The following AFF2 variants were observed in gnomAD, a reference collection of about 807,000 sequenced individuals.
The protein encoded by AFF2 is AF4/FMR2 family member 2.
AFF2 carries 14 observed loss-of-function variants against 76.9 expected under a neutral mutation model. The ratio of observed to expected loss-of-function variants is 0.18; its 90% CI spans 0.12 to 0.28. AFF2 has a LOEUF of 0.28. Ranked by LOEUF, AFF2 falls within the 10% of genes least tolerant of loss-of-function variation. AFF2 has a pLI of 1.00. For synonymous variants in AFF2, 398 were observed against 366.7 expected (o/e 1.09, Z -0.98); for missense variants, 868 against 1,001.1 (o/e 0.87, Z 1.79).
intron 3 of AFF2, among the ~76,000 whole-genome samples, chrX:148,768,790 T>G (rs1280106247): frequency 8.9e-6 from 1 of 112,007 alleles, no homozygotes; most frequent in Non-Finnish European, 1.9e-5. Context: ...TTTTGTTCAT[T>G]GTTTTTCTCA....
chrX:148,575,652 A>G (rs895819444), intron 1 of AFF2, among the ~76,000 whole-genome samples: 3 of 110,479 alleles, frequency 2.7e-5, no homozygotes, highest in Non-Finnish European at 5.7e-5. Flanking sequence ...TTCAAAATTA[A>G]TGAAGCCCAG....
chrX:148,895,055 G>A (rs1446878090), intron 8 of AFF2, among the ~76,000 whole-genome samples: 9 of 111,052 alleles, frequency 8.1e-5, no homozygotes, highest in Non-Finnish European at 1.3e-4. Flanking sequence ...CCAAGTTCTG[G>A]CCAGGAGATT....
chrX:148,521,464 T>C (rs551148339), intron 1 of AFF2, among the ~76,000 whole-genome samples: 2 of 109,921 alleles, frequency 1.8e-5, no homozygotes, highest in African/African-American at 6.6e-5. Flanking sequence ...AAAAATAATA[T>C]GTCTACCTTT....
At chrX:148,814,082 C>T (rs1450092192) in intron 4 of AFF2, among the ~76,000 whole-genome samples, 1 of 112,249 alleles carries the variant, frequency 8.9e-6, no homozygotes, top group Non-Finnish European at 1.9e-5. Flanking sequence ...AAGCTACCCT[C>T]ACGTGCAAAC....
chrX:148,786,748 A>G (rs1212351577), intron 3 of AFF2, among the ~76,000 whole-genome samples: 1 of 111,843 alleles, frequency 8.9e-6, no homozygotes, highest in Non-Finnish European at 1.9e-5. Flanking sequence ...GGGGGAACTC[A>G]ACTGAACCCA....
Position 148,919,276 on chromosome X carries a change from G to A in AFF2, c.1397+15018G>A, listed in dbSNP as rs1470512443. Among the ~76,000 whole-genome samples, 125 of 111,001 alleles carry A rather than the reference G, an allele frequency of 1.1e-3. 11 individuals are homozygous for A. Among genetic ancestry groups the A allele is most frequent in the Non-Finnish European group, 7.6e-5 (4 of 52,948 alleles). ...AAAAGCAACCCTGTGCAATATCACCGTAGCTCAGTTCCCAGTGGGCATAAG... is the reference window on the plus strand; with the variant it reads ...AAAAGCAACCCTGTGCAATATCACCATAGCTCAGTTCCCAGTGGGCATAAG... On this transcript the variant is annotated intron_variant, in intron 9 of 20. Transcript: ENST00000370460.
chrX:148,923,589 T>C (rs2071618805), intron 9 of AFF2, among the ~76,000 whole-genome samples: 1 of 109,354 alleles, frequency 9.1e-6, no homozygotes, highest in Middle Eastern at 4.7e-3. Flanking sequence ...GTGTGTGTGA[T>C]AGATAAAATA....
chrX:148,697,447 C>T (rs1220492504), intron 3 of AFF2, among the ~76,000 whole-genome samples: 1 of 111,486 alleles, frequency 9.0e-6, no homozygotes, highest in Non-Finnish European at 1.9e-5. Flanking sequence ...CAGTATTGAG[C>T]GTTATAGATC....
At chrX:148,708,067 C>G (rs1365797499) in intron 3 of AFF2, among the ~76,000 whole-genome samples, 2 of 111,967 alleles carry the variant, frequency 1.8e-5, no homozygotes, top group Non-Finnish European at 3.8e-5. Flanking sequence ...CTTGCAACCA[C>G]AATTGTTGGC....
chrX:148,774,336 T>C (rs1323991164), intron 3 of AFF2, among the ~76,000 whole-genome samples: 1 of 112,118 alleles, frequency 8.9e-6, no homozygotes, highest in East Asian at 2.8e-4. Flanking sequence ...ACTGGTAATC[T>C]TTTTAGCATG....
At chrX:148,959,394 G>A (rs2072082091) in intron 12 of AFF2, among the ~76,000 whole-genome samples, 1 of 112,493 alleles carries the variant, frequency 8.9e-6, no homozygotes, top group Admixed American at 9.4e-5. Context: ...GCAGCCCAGA[G>A]CAGAGAGGCA....
chrX:148,793,116 ACCT>A, intron 3 of AFF2, among the ~76,000 whole-genome samples: 1 of 110,963 alleles, frequency 9.0e-6, no homozygotes, highest in East Asian at 2.8e-4. Flanking sequence ...CATGGCTATG[ACCT>A]CCTACACACT....
intron 9 of AFF2, among the ~76,000 whole-genome samples, chrX:148,937,676 A>C (rs1286464889): frequency 8.9e-6 from 1 of 111,875 alleles, no homozygotes; most frequent in Non-Finnish European, 1.9e-5. Context: ...AAACCATGTG[A>C]ATTCCACAGT....
chrX:148,951,181 G>GCACA (rs368970397), intron 9 of AFF2, among the ~76,000 whole-genome samples: 6 of 106,534 alleles, frequency 5.6e-5, no homozygotes, highest in African/African-American at 2.0e-4. Context: ...ACACACACAC[G>GCACA]CACACACACA....
intron 1 of AFF2, among the ~76,000 whole-genome samples, chrX:148,580,399 TA>T (rs2053341055): frequency 9.0e-6 from 1 of 111,198 alleles, no homozygotes; most frequent in Admixed American, 9.7e-5. Flanking sequence ...GGAAAATAGG[TA>T]AAATAAAATG....
chrX:148,719,624 A>G (rs993632496), intron 3 of AFF2, among the ~76,000 whole-genome samples: 1 of 111,801 alleles, frequency 8.9e-6, no homozygotes, highest in Admixed American at 9.5e-5. Flanking sequence ...AATAGGGATA[A>G]TTATCTCTAA....
intron 3 of AFF2, among the ~76,000 whole-genome samples, chrX:148,671,772 C>CTTT (rs80051300): frequency 3.0e-5 from 3 of 101,633 alleles, no homozygotes; most frequent in African/African-American, 1.1e-4. Context: ...TATATTTCAC[C>CTTT]TTTTTTTTTT....
intron 1 of AFF2, among the ~76,000 whole-genome samples, chrX:148,548,200 C>T (rs1030980794): frequency 6.3e-5 from 7 of 111,928 alleles, no homozygotes; most frequent in Non-Finnish European, 1.1e-4. Context: ...AAGATCAATT[C>T]CTGCTTTACC....
At position 148,780,694 on chromosome X, in the gene AFF2, A is replaced by G. The variant is rs782694585; in HGVS notation, c.1042-29182A>G. ...TAGCTTCCTTGCATTAGGTTAGAAC[A>G]TGCTCCTTTAGCTCGGAGGAGTTTG... On this transcript the variant is annotated intron_variant, in intron 3 of 20. Coordinates refer to ENST00000370460, the MANE Select transcript of AFF2 (RefSeq NM_002025.4). Among the ~76,000 whole-genome samples, 9 of 111,525 alleles carry G rather than the reference A, an allele frequency of 8.1e-5. 1 individual carries two copies. Among genetic ancestry groups the G allele is most frequent in the Non-Finnish European group, 1.5e-4 (8 of 53,114 alleles).
Sources: gnomAD v4.1 joint callset for allele counts (sites outside exome capture counted in the v4.1 genomes callset) on GRCh38, gnomAD v4.1.1 for gene constraint, MANE v1.5 for transcripts, NCBI Gene and HGNC (gene_info 2026-07-23, HGNC 2026-07-21) for gene names.